The following CDH9 variants were observed in gnomAD, a reference collection of about 807,000 sequenced individuals.
CDH9 encodes the protein cadherin 9, also known as cadherin-9.
CDH9 carries 28 observed loss-of-function variants against 70.9 expected under a neutral mutation model. The ratio of observed to expected loss-of-function variants is 0.40; its 90% CI spans 0.29 to 0.54. CDH9 has a LOEUF of 0.54. Ranked by LOEUF, CDH9 falls within the 20% of genes least tolerant of loss-of-function variation. The probability of loss-of-function intolerance (pLI) is 0.59; values close to 1 mark genes in which losing one functional copy is unlikely to be tolerated. For missense variants in CDH9, 874 were observed against 984.4 expected, an observed-to-expected ratio of 0.89 and a Z score of 1.50; for synonymous variants, 409 against 343.1, an observed-to-expected ratio of 1.19 and a Z score of -2.12.
intron 2 of CDH9, among the ~76,000 whole-genome samples, chr5:26,984,176 A>G (rs575093099): frequency 6.6e-6 from 1 of 152,250 alleles, no homozygotes; most frequent in African/African-American, 2.4e-5. Flanking sequence ...AAGTTTCTAA[A>G]TTAAAATTAT....
intron 1 of CDH9, among the ~76,000 whole-genome samples, chr5:27,032,709 A>C (rs1444292405): frequency 6.6e-6 from 1 of 151,590 alleles, no homozygotes; most frequent in African/African-American, 2.4e-5. Context: ...AGAAAAAAGC[A>C]ATACTATTTA....
chr5:26,913,140 T>C (rs914639563), intron 3 of CDH9, among the ~76,000 whole-genome samples: 1 of 152,152 alleles, frequency 6.6e-6, no homozygotes, highest in African/African-American at 2.4e-5. Context: ...ACTCTGCATC[T>C]ATTAACTTTT....
intron 1 of CDH9, among the ~76,000 whole-genome samples, chr5:27,011,960 G>GA (rs1308288871): frequency 6.6e-6 from 1 of 151,720 alleles, no homozygotes. Context: ...AGAAAGTCTA[G>GA]AAAAAATGCT....
chr5:26,933,088 T>C (rs1045277630), intron 2 of CDH9, among the ~76,000 whole-genome samples: 2 of 147,434 alleles, frequency 1.4e-5, no homozygotes, highest in Non-Finnish European at 3.0e-5. Flanking sequence ...ACAAATATAA[T>C]TCTATTTATA....
chr5:26,926,491 A>G (rs1022279301), intron 2 of CDH9, among the ~76,000 whole-genome samples: 3 of 152,172 alleles, frequency 2.0e-5, no homozygotes, highest in Admixed American at 6.5e-5. Context: ...AGGAAGAATC[A>G]ATATCATGAA....
At chr5:26,991,421 T>C (rs1018410438) in intron 1 of CDH9, among the ~76,000 whole-genome samples, 4 of 152,220 alleles carry the variant, frequency 2.6e-5, no homozygotes, top group African/African-American at 9.6e-5. Context: ...CCATTGCCAG[T>C]ATGCAACAGG....
chr5:26,902,815 C>A, intron 6 of CDH9, 86 bp from the exon 7 acceptor site: 1 of 682,102 alleles, frequency 1.5e-6, no homozygotes, highest in South Asian at 1.9e-5. Flanking sequence ...AGCCAGCGAT[C>A]ATGATTATAC....
chr5:27,008,551 TAC>T (rs924910407), intron 1 of CDH9, among the ~76,000 whole-genome samples: 1 of 152,038 alleles, frequency 6.6e-6, no homozygotes, highest in African/African-American at 2.4e-5. Context: ...AATATAAAAT[TAC>T]AGTCTTTTTC....
intron 2 of CDH9, among the ~76,000 whole-genome samples, chr5:26,966,276 T>G (rs1742127978): frequency 6.6e-6 from 1 of 152,192 alleles, no homozygotes; most frequent in Non-Finnish European, 1.5e-5. Flanking sequence ...GTGTATTACA[T>G]TTTGACTTCT....
chr5:26,991,246 T>C (rs1056520288), intron 1 of CDH9, among the ~76,000 whole-genome samples: 2 of 152,178 alleles, frequency 1.3e-5, no homozygotes, highest in Non-Finnish European at 2.9e-5. Flanking sequence ...TCCTTTAATG[T>C]GGCCACACAC....
chr5:26,888,147 T>C (rs557041829), intron 9 of CDH9, among the ~76,000 whole-genome samples: 3 of 152,284 alleles, frequency 2.0e-5, no homozygotes, highest in African/African-American at 7.2e-5. Context: ...AAAAGTGTTA[T>C]GAGAAATTTA....
intron 2 of CDH9, among the ~76,000 whole-genome samples, chr5:26,958,746 T>C (rs1031796145): frequency 6.6e-6 from 1 of 152,042 alleles, no homozygotes; most frequent in Admixed American, 6.6e-5. Flanking sequence ...AAAAGAAGGA[T>C]AAAAATAAAT....
intron 3 of CDH9, among the ~76,000 whole-genome samples, chr5:26,908,284 G>A (rs1290149659): frequency 1.3e-5 from 2 of 151,882 alleles, no homozygotes; most frequent in African/African-American, 2.4e-5. Flanking sequence ...AAATGATAAA[G>A]TGATTTACAT....
intron 2 of CDH9, among the ~76,000 whole-genome samples, chr5:26,978,517 T>G (rs1473394658): frequency 2.6e-5 from 4 of 151,826 alleles, no homozygotes; most frequent in African/African-American, 9.7e-5. Flanking sequence ...TGGGATGATA[T>G]GAAATGCCCT....
At chr5:26,940,040 T>C (rs1741633067) in intron 2 of CDH9, among the ~76,000 whole-genome samples, 1 of 151,702 alleles carries the variant, frequency 6.6e-6, no homozygotes, top group Non-Finnish European at 1.5e-5. Flanking sequence ...ATGCCTGTAA[T>C]CCCAGCTAGT....
chr5:26,972,742 A>T (rs1244603905), intron 2 of CDH9, among the ~76,000 whole-genome samples: 1 of 152,170 alleles, frequency 6.6e-6, no homozygotes, highest in Non-Finnish European at 1.5e-5. Flanking sequence ...TCAAACACTG[A>T]AAAAAGTCCT....
chr5:27,002,106 G>T (rs1048089567), intron 1 of CDH9, among the ~76,000 whole-genome samples: 3 of 152,046 alleles, frequency 2.0e-5, no homozygotes, highest in Non-Finnish European at 2.9e-5. Context: ...CAAAAAGTGG[G>T]GGAGGATATA....
intron 8 of CDH9, among the ~76,000 whole-genome samples, chr5:26,890,168 T>C (rs901703629): frequency 6.6e-6 from 1 of 152,228 alleles, no homozygotes; most frequent in African/African-American, 2.4e-5. Flanking sequence ...TTATTTGTAA[T>C]AGATAATTTT....
At chr5:26,909,538 T>C (rs1741011578) in intron 3 of CDH9, among the ~76,000 whole-genome samples, 1 of 128,014 alleles carries the variant, frequency 7.8e-6, no homozygotes, top group Admixed American at 7.8e-5. Context: ...TTTTTTTTCT[T>C]TTTTTTTTTT....
Sources: gnomAD v4.1 joint callset for allele counts (sites outside exome capture counted in the v4.1 genomes callset) on GRCh38, gnomAD v4.1.1 for gene constraint, MANE v1.5 for transcripts, NCBI Gene and HGNC (gene_info 2026-07-23, HGNC 2026-07-21) for gene names.